Variants in TSFM observed in about 807,000 individuals in gnomAD.
TSFM encodes the protein elongation factor Ts, mitochondrial.
In TSFM, 29 loss-of-function variants were observed where a neutral mutation model predicts 33.4. The ratio of observed to expected loss-of-function variants is 0.87; its 90% confidence interval spans 0.65 to 1.18. The LOEUF (loss-of-function observed/expected upper bound fraction) is 1.18. Among genes scored for constraint, TSFM ranks in the 50% most tolerant of loss-of-function variants. The probability of loss-of-function intolerance (pLI) is 0.00; values close to 1 mark genes in which losing one functional copy is unlikely to be tolerated. For missense variants in TSFM, 394 were observed against 395.6 expected, an observed-to-expected ratio of 1.00 and a Z score of 0.04; for synonymous variants, 178 against 163.5, an observed-to-expected ratio of 1.09 and a Z score of -0.68.
At chr12:57,797,803 T>G, downstream of TSFM, 2 of 1,141,254 alleles carry the variant, frequency 1.8e-6, no homozygotes, top group Non-Finnish European at 2.4e-6. Context: ...CAGGCAGAAA[T>G]TGGTGGATAA....
intron 4 of TSFM, among the ~76,000 whole-genome samples, chr12:57,790,405 C>T (rs1019122712): frequency 1.3e-5 from 2 of 152,146 alleles, no homozygotes; most frequent in African/African-American, 4.8e-5. Flanking sequence ...ATTTGTTCTT[C>T]GAGCAGACAG....
Position 57,796,528 on chromosome 12 carries a change from T to C in TSFM, c.923T>C (p.Val308Ala), listed in dbSNP as rs2140429363. ...GTGCAGCCTCAGGGGGTGTCGGTAG[T>C]AGACTTTGTGCGGTTTGAATGTGGA... ...QYVQPQGVSV[V>A]DFVRFECGEG... Residue 308 changes from valine (V) to alanine (A), a missense_variant, in exon 6 of 6, where the codon GTA (valine) becomes GCA (alanine). Around this residue, in one of 3 missense-constraint regions of TSFM, gnomAD observed 186 missense variants for 198.8 expected, o/e 0.94. Coordinates refer to ENST00000652027, the MANE Select transcript of TSFM (RefSeq NM_005726.6). The C allele has an allele frequency of 1.3e-6, 2 of 1,497,076 alleles. No individual in the cohort carries two copies. The highest frequency in any genetic ancestry group is 2.9e-5 in the South Asian group (2 of 69,008). The allele number at this position is 1,497,076 out of a possible 1,614,324, so 92.7% of individuals were successfully genotyped here. A position where few individuals can be genotyped will look rare whatever the true frequency, so the allele number is the denominator to read the frequency against.
rs1209181707 is a variant in TSFM at position 57,797,240 on chromosome 12, C to G, written c.*657C>G. ...GATTTTGACATTCTTGTGCCAGAAACAGAAATTAGAGTAGTCCAGTTACCC... is the reference window on the plus strand; with the variant it reads ...GATTTTGACATTCTTGTGCCAGAAAGAGAAATTAGAGTAGTCCAGTTACCC... On this transcript the variant is annotated 3_prime_UTR_variant, in exon 6 of 6. Transcript: ENST00000652027. 1.0e-6 allele frequency: 1 copy of G among 985,308 alleles called. No homozygotes were observed. Among genetic ancestry groups the G allele is most frequent in the East Asian group, 1.1e-4 (1 of 8,834 alleles). The allele number at this position is 985,308 out of a possible 1,614,324, so 61.0% of individuals were successfully genotyped here. A position where few individuals can be genotyped will look rare whatever the true frequency, so the allele number is the denominator to read the frequency against.
In TSFM at chr12:57,783,225, G is replaced by C. The variant is rs774491632; in HGVS notation, c.173G>C (p.Gly58Ala). The change falls in exon 2 of 6, where the codon GGC (glycine) becomes GCC (alanine). Residue 58 changes from glycine (G) to alanine (A), a missense_variant. This residue lies in a region of TSFM where 208 missense variants were observed against 180.4 expected (regional missense o/e 1.15). Coordinates refer to ENST00000652027, the MANE Select transcript of TSFM (RefSeq NM_005726.6). ...CTCATGAAGCTGCGGCGGAAAACAG[G>C]CTACTCCTTTGTAAATTGCAAGAAA... ...ELLMKLRRKT[G>A]YSFVNCKKAL... is the part of the protein sequence containing the mutation. 1.2e-6 allele frequency: 2 copies of C among 1,613,774 alleles called. No homozygotes were observed. Among genetic ancestry groups the C allele is most frequent in the Non-Finnish European group, 1.7e-6 (2 of 1,179,920 alleles).
intron 2 of TSFM, among the ~76,000 whole-genome samples, chr12:57,784,916 CTTTTTTTTTTTTT>C (rs1164168295): frequency 6.3e-5 from 5 of 79,142 alleles, no homozygotes; most frequent in Non-Finnish European, 7.1e-5. Flanking sequence ...ATTGAAATAT[CTTTTTTTTTTTTT>C]TTTTTTTTTT....
intron 4 of TSFM, among the ~76,000 whole-genome samples, chr12:57,789,487 C>T (rs1469218899): frequency 6.6e-6 from 1 of 152,166 alleles, no homozygotes; most frequent in Admixed American, 6.5e-5. Context: ...CTTCAGCCTC[C>T]TGAGTAGCTA....
At chr12:57,798,683 C>G (rs1955784293), downstream of TSFM, among the ~76,000 whole-genome samples, 1 of 150,872 alleles carries the variant, frequency 6.6e-6, no homozygotes, top group East Asian at 2.0e-4. Flanking sequence ...GTGGCACAAT[C>G]TCGGCTCACT....
rs1227430970 is a variant in TSFM at position 57,782,878 on chromosome 12, G to T, written c.57+20G>T. 2 of 1,583,922 alleles carry T rather than the reference G, an allele frequency of 1.3e-6. No individual in the cohort carries two copies. The highest frequency in any genetic ancestry group is 1.7e-6 in the Non-Finnish European group (2 of 1,165,696). On this transcript the variant is annotated intron_variant, in intron 1 of 5. Transcript: ENST00000652027. ...TACCCGGTGAGAAGTCCTGGTGCTG[G>T]TACCGACCTGCTGTCCCTGCAGCTC...
chr12:57,785,348 C>G (rs1955577051), intron 2 of TSFM, among the ~76,000 whole-genome samples: 1 of 152,232 alleles, frequency 6.6e-6, no homozygotes, highest in Admixed American at 6.5e-5. Flanking sequence ...ACATCTTGTC[C>G]TGCTGGAAGG....
At chr12:57,795,239 C>T (rs1324677182) in intron 5 of TSFM, among the ~76,000 whole-genome samples, 4 of 151,536 alleles carry the variant, frequency 2.6e-5, no homozygotes, top group African/African-American at 9.7e-5. Context: ...GCTGGGATTA[C>T]AGGCATGTGC....
chr12:57,795,896 G>A (rs1356088596), intron 5 of TSFM, among the ~76,000 whole-genome samples: 1 of 152,120 alleles, frequency 6.6e-6, no homozygotes, highest in South Asian at 2.1e-4. Context: ...GATTACAGAC[G>A]TGAGCCACTA....
chr12:57,794,374 T>C (rs11172343), intron 5 of TSFM, among the ~76,000 whole-genome samples: 40,579 of 152,204 alleles, frequency 0.27, 6,805 homozygotes, highest in East Asian at 0.65. Context: ...CCTTTTGGCT[T>C]ATTTGGACTT....
Position 57,787,084 on chromosome 12 carries a change from A to C in TSFM, c.405A>C (p.Gln135His). 2 of 1,612,916 alleles carry C rather than the reference A, an allele frequency of 1.2e-6. No individual in the cohort carries two copies. Among genetic ancestry groups the C allele is most frequent in the East Asian group, 2.2e-5 (1 of 44,874 alleles). ...TDFVSRNLKF[Q>H]LLVQQVALGT... The stretch of plus-strand genomic sequence containing the variant: ...TTGTTTCTAGAAATTTAAAATTTCA[A>C]CTGTTGGTCCAGCAAGTAGCCCTTG... Residue 135 changes from glutamine (Q) to histidine (H), a missense_variant, in exon 4 of 6, where the codon CAA becomes CAC. Around this residue, in one of 3 missense-constraint regions of TSFM, gnomAD observed 208 missense variants for 180.4 expected, o/e 1.15. Coordinates refer to ENST00000652027, the MANE Select transcript of TSFM (RefSeq NM_005726.6).
chr12:57,784,478 T>G (rs933428993), intron 2 of TSFM, among the ~76,000 whole-genome samples: 1 of 152,240 alleles, frequency 6.6e-6, no homozygotes, highest in Non-Finnish European at 1.5e-5. Flanking sequence ...TGTTTTAAAT[T>G]TTTGGACTCT....
At chr12:57,800,022 T>C, downstream of TSFM, 1 of 1,432,436 alleles carries the variant, frequency 7.0e-7, no homozygotes, top group Non-Finnish European at 9.6e-7. Flanking sequence ...CTTATGCCAC[T>C]TCACCCTCTG....
In TSFM at chr12:57,797,463, G is replaced by A. The variant is rs1412921953; in HGVS notation, c.*880G>A. The A allele has an allele frequency of 1.0e-6, 1 of 985,286 alleles. No individual in the cohort carries two copies. The highest frequency in any genetic ancestry group is 1.2e-6 in the Non-Finnish European group (1 of 829,812). 61.0% of individuals were successfully genotyped at this position (985,286 alleles called of 1,614,324 possible). The stretch of plus-strand genomic sequence containing the variant: ...GGTATTTGGATTTTGCCTATGGAGT[G>A]CATATATGATTTCAATGATTTACAG... On this transcript the variant is annotated 3_prime_UTR_variant, in exon 6 of 6. Coordinates refer to ENST00000652027, the MANE Select transcript of TSFM (RefSeq NM_005726.6).
At chr12:57,800,517 T>A (rs1955824300), downstream of TSFM, 1 of 152,792 alleles carries the variant, frequency 6.5e-6, no homozygotes, top group South Asian at 2.1e-4. Flanking sequence ...AAAATGTCAT[T>A]TGGGTTAGAA....
intron 4 of TSFM, among the ~76,000 whole-genome samples, chr12:57,787,907 C>A (rs1404281743): frequency 6.6e-6 from 1 of 151,442 alleles, no homozygotes; most frequent in Admixed American, 6.6e-5. Context: ...AAGAGCAAAA[C>A]TCCGTCTCAG....
rs1182304075 is a variant in TSFM at position 57,783,229 on chromosome 12, C to G, written c.177C>G (p.Tyr59Ter). The G allele has an allele frequency of 6.2e-7, 1 of 1,613,800 alleles. No homozygotes were observed. Among genetic ancestry groups the G allele is most frequent in the Non-Finnish European group, 8.5e-7 (1 of 1,179,912 alleles). Residue 59 changes from tyrosine (Y) to a stop codon, truncating the protein, a stop_gained, in exon 2 of 6, where the codon TAC (tyrosine) becomes TAG (stop). Coordinates refer to ENST00000652027, the MANE Select transcript of TSFM (RefSeq NM_005726.6). LOFTEE classifies it high-confidence loss of function. ...TGAAGCTGCGGCGGAAAACAGGCTACTCCTTTGTAAATTGCAAGAAAGCTC... is the reference window on the plus strand; with the variant it reads ...TGAAGCTGCGGCGGAAAACAGGCTAGTCCTTTGTAAATTGCAAGAAAGCTC... ...LLMKLRRKTG[Y>*]SFVNCKKALE... is the part of the protein sequence containing the mutation.
Sources: allele counts gnomAD v4.1 joint callset (sites outside exome capture counted in the v4.1 genomes callset), GRCh38; gene constraint gnomAD v4.1.1; regional missense constraint gnomAD v4.1.1; transcripts MANE v1.5; gene names NCBI Gene and HGNC (gene_info 2026-07-23, HGNC 2026-07-21).